TSEN34: variants seen among roughly 807,000 people sequenced by gnomAD.
TSEN34 encodes tRNA splicing endonuclease subunit 34.
TSEN34 carries 25 observed loss-of-function variants against 30.2 expected under a neutral mutation model. The ratio of observed to expected loss-of-function variants is 0.83; its 90% CI spans 0.60 to 1.16. TSEN34 has a LOEUF of 1.16. Among genes scored for constraint, TSEN34 ranks in the 50% most tolerant of loss-of-function variants. The pLI is 0.00. For synonymous variants in TSEN34, 209 were observed against 177.4 expected (o/e 1.18, Z -1.41); for missense variants, 475 against 411.9 (o/e 1.15, Z -1.33).
At chr19:54,193,062 G>C in intron 3 of TSEN34, 113 bp from the exon 4 acceptor site, 5 of 1,441,868 alleles carry the variant, frequency 3.5e-6, no homozygotes, top group South Asian at 2.3e-5. Context: ...ATCTGTTTTA[G>C]AGTATCTATA....
chr19:54,191,294 G>A, upstream of TSEN34: 1 of 1,544,134 alleles, frequency 6.5e-7, no homozygotes, highest in Non-Finnish European at 8.7e-7. Context: ...CGGAGGCTTT[G>A]GGTGCGCTGC....
chr19:54,193,872 C>T lies in TSEN34; in HGVS notation c.*510C>T, dbSNP rs2076799500. Reference sequence around the variant, plus strand: ...ACTAAACTTCCTTTTGAAAAGATTTCTATGAAATTTCCCAGATGCATACAA... The same window carrying T: ...ACTAAACTTCCTTTTGAAAAGATTTTTATGAAATTTCCCAGATGCATACAA... On this transcript the variant is annotated 3_prime_UTR_variant, in exon 4 of 4. Coordinates refer to ENST00000396388, the MANE Select transcript of TSEN34 (RefSeq NM_001077446.4). 2 of 584,520 alleles carry T rather than the reference C, an allele frequency of 3.4e-6. No homozygotes were observed. Among genetic ancestry groups the T allele is most frequent in the Admixed American group, 6.2e-5 (2 of 32,182 alleles). The allele number at this position is 584,520 out of a possible 1,614,324, so 36.2% of individuals were successfully genotyped here.
chr19:54,189,676 T>C (rs40357), upstream of TSEN34: 33,551 of 153,324 alleles, frequency 0.22, 4,030 homozygotes, highest in East Asian at 0.52. Context: ...AGACGGGCTC[T>C]GGAAAGGAGG....
At chr19:54,190,139 G>C (rs1047724523), upstream of TSEN34, 1 of 560,000 alleles carries the variant, frequency 1.8e-6, no homozygotes, top group East Asian at 3.4e-5. Context: ...TTCCCAAGTA[G>C]AGGAGAGGAA....
At position 54,192,376 on chromosome 19, in the gene TSEN34, G is replaced by A. The variant is rs201624285; in HGVS notation, c.745+3G>A. 1.2e-6 allele frequency: 2 copies of A among 1,614,138 alleles called. No homozygotes were observed. The highest frequency in any genetic ancestry group is 1.7e-6 in the Non-Finnish European group (2 of 1,180,038). On this transcript the variant is annotated splice_donor_region_variant and intron_variant, in intron 3 of 3. Coordinates refer to ENST00000396388, the MANE Select transcript of TSEN34 (RefSeq NM_001077446.4). ...AGGTGACTTCCTGGTCTATCCTGGT[G>A]AGTATGGGTTGGGGCCTCTGGTTGC...
upstream of TSEN34, chr19:54,190,069 G>A (rs2076605004): frequency 1.9e-6 from 1 of 517,476 alleles, no homozygotes; most frequent in Non-Finnish European, 3.4e-6. Context: ...CCCTCAAAGG[G>A]GCGGAACCCC....
upstream of TSEN34, chr19:54,191,151 C>A (rs772211122): frequency 2.2e-6 from 3 of 1,360,434 alleles, no homozygotes; most frequent in East Asian, 3.0e-5. Flanking sequence ...TCCGGCGTCT[C>A]GTCTCCGGCG....
rs78418475 is a variant in TSEN34 at position 54,192,493 on chromosome 19, G to C, written c.745+120G>C. 3,164 of 1,366,496 alleles carry C rather than the reference G, an allele frequency of 2.3e-3. 12 individuals carry two copies. The highest frequency in any genetic ancestry group is 0.015 in the African/African-American group (1,011 of 68,086). 84.6% of individuals were successfully genotyped at this position (1,366,496 alleles called of 1,614,324 possible). A position where few individuals can be genotyped will look rare whatever the true frequency, so the allele number is the denominator to read the frequency against. On this transcript the variant is annotated intron_variant, in intron 3 of 3. Coordinates refer to ENST00000396388, the MANE Select transcript of TSEN34 (RefSeq NM_001077446.4). Reference sequence around the variant, plus strand: ...GGTGGGGTCTCTTGTTGCTTAGGCTGGTCCCTATTCCTGGGCTCAAGCAAT... The same window carrying C: ...GGTGGGGTCTCTTGTTGCTTAGGCTCGTCCCTATTCCTGGGCTCAAGCAAT...
upstream of TSEN34, chr19:54,190,652 G>T: frequency 7.9e-7 from 1 of 1,265,094 alleles, no homozygotes; most frequent in Non-Finnish European, 1.0e-6. Flanking sequence ...CGGGGCTACG[G>T]ATTCGGCCGA....
Position 54,191,705 on chromosome 19 carries a change from G to C in TSEN34, c.244-16G>C. On this transcript the variant is annotated splice_polypyrimidine_tract_variant and intron_variant, in intron 1 of 3. Coordinates refer to ENST00000396388, the MANE Select transcript of TSEN34 (RefSeq NM_001077446.4). ...GGACCATAAGCTTGGAGGTTCCAGC[G>C]AAGTGTGCTTCTCAGGCCCTGACAT... is the stretch of plus-strand genomic sequence containing the variant. The C allele has an allele frequency of 1.2e-6, 2 of 1,613,782 alleles. No homozygotes were observed. Among genetic ancestry groups the C allele is most frequent in the Non-Finnish European group, 1.7e-6 (2 of 1,180,030 alleles).
In TSEN34 at chr19:54,194,497, A is replaced by G. The variant is rs1466655736; in HGVS notation, c.*1135A>G. 1 of 152,234 alleles carries G rather than the reference A, an allele frequency of 6.6e-6. No individual in the cohort carries two copies. The highest frequency in any genetic ancestry group is 1.5e-5 in the Non-Finnish European group (1 of 68,044). 9.4% of individuals were successfully genotyped at this position (152,234 alleles called of 1,614,324 possible). A position where few individuals can be genotyped will look rare whatever the true frequency, so the allele number is the denominator to read the frequency against. On this transcript the variant is annotated 3_prime_UTR_variant, in exon 4 of 4. Coordinates refer to ENST00000396388, the MANE Select transcript of TSEN34 (RefSeq NM_001077446.4). ...TTGCTTAAGAAAGTACTAGAACACT[A>G]CCACTATTCCAATAATTACACCTTT...
Position 54,191,633 on chromosome 19 carries a change from G to A in TSEN34, c.243+26G>A, listed in dbSNP as rs762526738. The A allele has an allele frequency of 4.4e-6, 7 of 1,606,702 alleles. No individual in the cohort carries two copies. The African/African-American group carries it at 6.7e-5, about 15-fold the overall frequency. ...GTAAGGGGGCGGGGCTCGAACTCGGGTTCGGTGGGAGCGGGACCTGGGAGT... is the reference window on the plus strand; with the variant it reads ...GTAAGGGGGCGGGGCTCGAACTCGGATTCGGTGGGAGCGGGACCTGGGAGT... On this transcript the variant is annotated intron_variant, in intron 1 of 3. Transcript: ENST00000396388.
rs776155839 is a variant in TSEN34 at position 54,192,225 on chromosome 19, C to T, written c.597C>T (p.Pro199=). ...GGCCTCGACCGGTCAAGGCCAGGCC[C>T]CTGGACTGGCGTGTCCAGTCTAAAG... ...TARPRPVKAR[P]LDWRVQSKDW... The change falls in exon 3 of 4, where the codon CCC becomes CCT. Residue 199 remains proline, a synonymous_variant. Transcript: ENST00000396388. 1.2e-6 allele frequency: 2 copies of T among 1,614,114 alleles called. No homozygotes were observed. Among genetic ancestry groups the T allele is most frequent in the East Asian group, 2.2e-5 (1 of 44,868 alleles).
Position 54,193,354 on chromosome 19 carries a change from C to G in TSEN34, c.925C>G (p.Leu309Val), listed in dbSNP as rs1418912464. The G allele has an allele frequency of 1.2e-6, 2 of 1,614,052 alleles. No homozygotes were observed. Among genetic ancestry groups the G allele is most frequent in the Admixed American group, 3.3e-5 (2 of 59,998 alleles). ...VVYTSLQWASLQ is the reference protein window; with the variant it reads ...VVYTSLQWASVQ ...CTACACCTCCCTGCAATGGGCCAGC[C>G]TGCAGTGAACTCCAGAGACCTAGGG... is the stretch of plus-strand genomic sequence containing the variant. Residue 309 changes from leucine (L) to valine (V), a missense_variant, in exon 4 of 4, where the codon CTG becomes GTG. Leu to Val is a conservative substitution (Grantham distance 32). Coordinates refer to ENST00000396388, the MANE Select transcript of TSEN34 (RefSeq NM_001077446.4).
chr19:54,190,321 C>A (rs1047797290), upstream of TSEN34: 2 of 1,500,406 alleles, frequency 1.3e-6, no homozygotes, highest in South Asian at 1.2e-5. Flanking sequence ...GAGCGCGTGG[C>A]GCGGTGCGCA....
chr19:54,190,921 G>T (rs145947907), upstream of TSEN34: 25 of 1,050,114 alleles, frequency 2.4e-5, no homozygotes, highest in East Asian at 8.3e-5. Flanking sequence ...GACCGCTGAC[G>T]GGAACACCCG....
At chr19:54,192,718 C>T (rs1397291690) in intron 3 of TSEN34, among the ~76,000 whole-genome samples, 1 of 152,154 alleles carries the variant, frequency 6.6e-6, no homozygotes, top group Non-Finnish European at 1.5e-5. Context: ...AGTAGTTAGA[C>T]ATCAGGCTGG....
chr19:54,192,003 AGAG>A, intron 2 of TSEN34, 39 bp downstream of exon 2: 9 of 1,614,068 alleles, frequency 5.6e-6, no homozygotes, highest in Non-Finnish European at 7.6e-6. Flanking sequence ...CACGGGAAGG[AGAG>A]GAGAGATCTT....
chr19:54,194,357 GTA>G lies in TSEN34; in HGVS notation c.*999_*1000del, dbSNP rs1364912183. The G allele has an allele frequency of 6.6e-6, 1 of 151,640 alleles. No individual in the cohort carries two copies. Among genetic ancestry groups the G allele is most frequent in the Non-Finnish European group, 1.5e-5 (1 of 67,954 alleles). 9.4% of individuals were successfully genotyped at this position (151,640 alleles called of 1,614,324 possible). On this transcript the variant is annotated 3_prime_UTR_variant, in exon 4 of 4. Transcript: ENST00000396388. ...GGTAGTGGTGAATTTTTTTGATACT[GTA>G]TATTTATATTTTAGACTCTTTTTTG...
Sources: gnomAD v4.1 joint callset for allele counts (sites outside exome capture counted in the v4.1 genomes callset) on GRCh38, gnomAD v4.1.1 for gene constraint, MANE v1.5 for transcripts, NCBI Gene and HGNC (gene_info 2026-07-23, HGNC 2026-07-21) for gene names.